ADAMTS19: variants seen among roughly 807,000 people sequenced by gnomAD.
ADAMTS19 encodes the protein A disintegrin and metalloproteinase with thrombospondin motifs 19.
Under a neutral mutation model 153.3 loss-of-function variants are expected in ADAMTS19, and 93 were observed. That is an observed-to-expected ratio of 0.61 (90% CI 0.51 to 0.72). ADAMTS19 has a LOEUF of 0.72. ADAMTS19 is among the 30% of genes least tolerant of loss of function. The pLI, the probability that ADAMTS19 is intolerant of heterozygous loss-of-function variation, is 0.00. For missense variants in ADAMTS19, 1,482 were observed against 1,552.1 expected (o/e 0.95, Z 0.76); for synonymous variants, 600 against 556.6 (o/e 1.08, Z -1.10).
At chr5:129,713,407 G>T (rs961807938) in intron 21 of ADAMTS19, among the ~76,000 whole-genome samples, 2 of 152,144 alleles carry the variant, frequency 1.3e-5, no homozygotes, top group Middle Eastern at 3.2e-3. Flanking sequence ...TAAGACACAA[G>T]AAAAGTATAC....
At chr5:129,606,208 C>T (rs1581136524) in intron 8 of ADAMTS19, among the ~76,000 whole-genome samples, 1 of 152,112 alleles carries the variant, frequency 6.6e-6, no homozygotes, top group Admixed American at 6.5e-5. Flanking sequence ...ACTAGTAAGC[C>T]TTTGGAATCA....
At chr5:129,690,720 A>G (rs1056101211) in intron 18 of ADAMTS19, among the ~76,000 whole-genome samples, 74 of 152,276 alleles carry the variant, frequency 4.9e-4, no homozygotes, top group African/African-American at 1.8e-3. Flanking sequence ...GCGCTCAGAG[A>G]AAAGTCCTTC....
intron 2 of ADAMTS19, among the ~76,000 whole-genome samples, chr5:129,508,054 A>G (rs1366667329): frequency 6.6e-6 from 1 of 152,016 alleles, no homozygotes; most frequent in Non-Finnish European, 1.5e-5. Context: ...TTTTCACTTT[A>G]GAAAATAATT....
chr5:129,546,671 A>C (rs568432314), intron 6 of ADAMTS19, among the ~76,000 whole-genome samples: 1 of 151,292 alleles, frequency 6.6e-6, no homozygotes, highest in East Asian at 1.9e-4. Context: ...AATAAAAATG[A>C]AAGCAAAAGA....
chr5:129,644,960 T>C (rs1752991195), intron 11 of ADAMTS19, among the ~76,000 whole-genome samples: 3 of 152,198 alleles, frequency 2.0e-5, no homozygotes, highest in Admixed American at 2.0e-4. Context: ...GCTTTTTCCC[T>C]GCCTTCCTCC....
At chr5:129,520,652 C>G (rs1561548744) in intron 3 of ADAMTS19, among the ~76,000 whole-genome samples, 2 of 152,042 alleles carry the variant, frequency 1.3e-5, no homozygotes, top group South Asian at 4.1e-4. Context: ...ATTTTTTCCA[C>G]CAGATATTTT....
In ADAMTS19 at chr5:129,536,018, T is replaced by C. The variant is rs183534019; in HGVS notation, c.1328+7341T>C. Among the ~76,000 whole-genome samples, 696 of 152,244 alleles carry C rather than the reference T, an allele frequency of 4.6e-3. 7 individuals are homozygous for C. Among genetic ancestry groups the C allele is most frequent in the African/African-American group, 0.016 (649 of 41,544 alleles). ...CAGGCATGGGCAAGGACTTCATGTC[T>C]AAAACACCAAAAGCAATGGCAACAA... On this transcript the variant is annotated intron_variant, in intron 6 of 22. Coordinates refer to ENST00000274487, the MANE Select transcript of ADAMTS19 (RefSeq NM_133638.6).
chr5:129,623,143 T>C lies in ADAMTS19; in HGVS notation c.1770+795T>C, dbSNP rs568176041. 2.6e-5 allele frequency among the ~76,000 whole-genome samples: 4 copies of C among 152,354 alleles called. No homozygotes were observed. The East Asian group carries it at 7.7e-4, about 29-fold the overall frequency. On this transcript the variant is annotated intron_variant, in intron 10 of 22. Transcript: ENST00000274487. ...AACAAAAATTAAGAGAGTACATTTC[T>C]ACATAAACTGGAAGAAAAGGGAAAA...
intron 21 of ADAMTS19, among the ~76,000 whole-genome samples, chr5:129,720,108 T>G (rs1018265467): frequency 2.0e-5 from 3 of 150,588 alleles, no homozygotes; most frequent in East Asian, 3.9e-4. Flanking sequence ...CAGTAAGAGC[T>G]TCTAACATAT....
At chr5:129,508,731 G>C (rs1215323775) in intron 2 of ADAMTS19, among the ~76,000 whole-genome samples, 1 of 152,014 alleles carries the variant, frequency 6.6e-6, no homozygotes, top group African/African-American at 2.4e-5. Context: ...ATTAAAAACT[G>C]TATTGCTCTT....
chr5:129,590,444 T>C (rs1169941875), intron 7 of ADAMTS19, among the ~76,000 whole-genome samples: 1 of 152,198 alleles, frequency 6.6e-6, no homozygotes, highest in East Asian at 1.9e-4. Context: ...TACAATATTC[T>C]ATCTTATTTG....
intron 10 of ADAMTS19, among the ~76,000 whole-genome samples, chr5:129,636,579 C>T (rs532276505): frequency 6.6e-6 from 1 of 152,300 alleles, no homozygotes; most frequent in East Asian, 1.9e-4. Flanking sequence ...ATTTCCCTTT[C>T]TATGCCTATC....
rs552483707 is a variant in ADAMTS19, at chr5:129,677,989, A to T, written c.2507-1775A>T. Among the ~76,000 whole-genome samples, 43 of 151,832 alleles carry T rather than the reference A, an allele frequency of 2.8e-4. No homozygotes were observed. In the South Asian group the frequency reaches 4.8e-3, roughly 17 times the overall value. ...CACCATACCTAGCTAATTTTTGTAT[A>T]TTTTGTAGAGATGGGGTTTTGCCAT... On this transcript the variant is annotated intron_variant, in intron 16 of 22. Coordinates refer to ENST00000274487, the MANE Select transcript of ADAMTS19 (RefSeq NM_133638.6).
chr5:129,730,924 TG>T lies in ADAMTS19; in HGVS notation c.3313-4007del, dbSNP rs1388169772. Among the ~76,000 whole-genome samples the T allele has an allele frequency of 5.9e-5, 8 of 136,714 alleles. No individual in the cohort carries two copies. The East Asian group carries it at 6.6e-4, about 11-fold the overall frequency. The allele number at this position is 136,714 out of a possible 152,430, so 89.7% of individuals were successfully genotyped here. ...GAAGCTGGATTTGAGATAGTGTTGT[TG>T]TTTTTTTGTTTTGTTTTGTTTTGTT... On this transcript the variant is annotated intron_variant, in intron 21 of 22. Coordinates refer to ENST00000274487, the MANE Select transcript of ADAMTS19 (RefSeq NM_133638.6).
chr5:129,672,518 A>C (rs1026938314), intron 16 of ADAMTS19, among the ~76,000 whole-genome samples: 106 of 152,304 alleles, frequency 7.0e-4, no homozygotes, highest in African/African-American at 2.5e-3. Flanking sequence ...TAAGGCCTTT[A>C]CAAAGTGGGA....
intron 21 of ADAMTS19, among the ~76,000 whole-genome samples, chr5:129,734,111 CT>C (rs1757565967): frequency 6.6e-6 from 1 of 151,790 alleles, no homozygotes. Flanking sequence ...CATGTTCTTA[CT>C]TGTAAGTGGG....
chr5:129,618,551 A>G (rs1751633597), intron 8 of ADAMTS19, among the ~76,000 whole-genome samples: 1 of 151,922 alleles, frequency 6.6e-6, no homozygotes, highest in East Asian at 1.9e-4. Flanking sequence ...TTTGATTCAA[A>G]CTCATAATTC....
chr5:129,633,004 G>A (rs1752368995), intron 10 of ADAMTS19, among the ~76,000 whole-genome samples: 1 of 120,322 alleles, frequency 8.3e-6, no homozygotes, highest in African/African-American at 4.1e-5. Context: ...CCTCTCCTGA[G>A]AATAGTTACA....
At chr5:129,571,947 A>T (rs768434901) in intron 7 of ADAMTS19, among the ~76,000 whole-genome samples, 4 of 152,056 alleles carry the variant, frequency 2.6e-5, no homozygotes, top group Non-Finnish European at 5.9e-5. Flanking sequence ...AAAAAATTGA[A>T]TATCAGTATG....
Sources: gnomAD v4.1 joint callset for allele counts (sites outside exome capture counted in the v4.1 genomes callset) on GRCh38, gnomAD v4.1.1 for gene constraint, MANE v1.5 for transcripts, NCBI Gene and HGNC (gene_info 2026-07-23, HGNC 2026-07-21) for gene names.